KIF13A: variants seen among roughly 807,000 people sequenced by gnomAD.
The protein encoded by KIF13A is kinesin-like protein KIF13A.
Under a neutral mutation model 212.2 loss-of-function variants are expected in KIF13A, and 79 were observed. The ratio of observed to expected loss-of-function variants is 0.37; its 90% CI spans 0.31 to 0.45. KIF13A has a LOEUF of 0.45. Among genes scored for constraint, KIF13A ranks in the 20% least tolerant of loss-of-function variants. The pLI is 1.00. For missense variants in KIF13A, 1,901 were observed against 2,209.0 expected, an observed-to-expected ratio of 0.86 and a Z score of 2.79; for synonymous variants, 789 against 808.6, an observed-to-expected ratio of 0.98 and a Z score of 0.41.
At chr6:17,820,908 T>A (rs1385613080) in intron 16 of KIF13A, among the ~76,000 whole-genome samples, 1 of 152,154 alleles carries the variant, frequency 6.6e-6, no homozygotes, top group Non-Finnish European at 1.5e-5. Flanking sequence ...AACACCAAAA[T>A]GTCTAAAAAA....
At position 17,797,178 on chromosome 6, in the gene KIF13A, C is replaced by T. The variant is rs539515780; in HGVS notation, c.2791-358G>A. ...CCGAGTAGCTGGGACTACAGGCACTCGCCACCACGCCCGGCTATTTTTTTG... is the reference window on the plus strand; with the variant it reads ...CCGAGTAGCTGGGACTACAGGCACTTGCCACCACGCCCGGCTATTTTTTTG... On this transcript the variant is annotated intron_variant, in intron 22 of 38. Coordinates refer to ENST00000259711, the MANE Select transcript of KIF13A (RefSeq NM_022113.6). Among the ~76,000 whole-genome samples, 13 of 152,076 alleles carry T rather than the reference C, an allele frequency of 8.5e-5. No individual in the cohort carries two copies. The South Asian group carries it at 1.7e-3, about 19-fold the overall frequency.
At chr6:17,917,516 C>T (rs929761036) in intron 2 of KIF13A, among the ~76,000 whole-genome samples, 1 of 152,168 alleles carries the variant, frequency 6.6e-6, no homozygotes, top group Non-Finnish European at 1.5e-5. Flanking sequence ...GTTGGGATCA[C>T]AGGCGTGAGC....
At chr6:17,964,769 T>C (rs1194144092) in intron 2 of KIF13A, among the ~76,000 whole-genome samples, 1 of 152,184 alleles carries the variant, frequency 6.6e-6, no homozygotes, top group Non-Finnish European at 1.5e-5. Flanking sequence ...GTTTTGATTT[T>C]ATCCCAGATA....
chr6:17,957,859 T>A (rs543614180), intron 2 of KIF13A, among the ~76,000 whole-genome samples: 1 of 152,208 alleles, frequency 6.6e-6, no homozygotes, highest in Non-Finnish European at 1.5e-5. Context: ...ATGTGTCTCA[T>A]GGCCAGACAG....
At chr6:17,932,279 CATAA>C (rs1417090139) in intron 2 of KIF13A, among the ~76,000 whole-genome samples, 2 of 152,150 alleles carry the variant, frequency 1.3e-5, no homozygotes, top group Non-Finnish European at 2.9e-5. Context: ...CTAAATATTG[CATAA>C]ATACTGTATT....
chr6:17,959,830 A>C (rs1778661425), intron 2 of KIF13A, among the ~76,000 whole-genome samples: 1 of 152,126 alleles, frequency 6.6e-6, no homozygotes, highest in South Asian at 2.1e-4. Context: ...TCGAGACCAG[A>C]CTGACCAACA....
intron 2 of KIF13A, among the ~76,000 whole-genome samples, chr6:17,972,347 G>A (rs1417784909): frequency 1.3e-5 from 2 of 152,186 alleles, no homozygotes; most frequent in African/African-American, 4.8e-5. Context: ...TAGAAGTAGA[G>A]AGCAAAAAGG....
intron 2 of KIF13A, among the ~76,000 whole-genome samples, chr6:17,941,948 C>T (rs1776992938): frequency 6.6e-6 from 1 of 152,106 alleles, no homozygotes; most frequent in Middle Eastern, 3.4e-3. Flanking sequence ...TAGAAGGCCT[C>T]ACCACAGCTG....
Position 17,785,440 on chromosome 6 carries a change from G to C in KIF13A, c.3488+75C>G. On this transcript the variant is annotated intron_variant, in intron 28 of 38. Coordinates refer to ENST00000259711, the MANE Select transcript of KIF13A (RefSeq NM_022113.6). The surrounding 1 kb of genome is among the most constrained non-coding windows in gnomAD (Gnocchi z 5.8). ...GCATTTTCTGTGACAATCCTGGAAA[G>C]TCTCTTGCATGGCTCTTGCCACAGG... 7.1e-7 allele frequency: 1 copy of C among 1,410,594 alleles called. No individual in the cohort carries two copies. Among genetic ancestry groups the C allele is most frequent in the Non-Finnish European group, 9.3e-7 (1 of 1,074,776 alleles). The allele number at this position is 1,410,594 out of a possible 1,614,324, so 87.4% of individuals were successfully genotyped here.
chr6:17,766,924 T>A (rs950994946), intron 38 of KIF13A, among the ~76,000 whole-genome samples: 1 of 152,248 alleles, frequency 6.6e-6, no homozygotes, highest in Non-Finnish European at 1.5e-5. Flanking sequence ...ATTTAGTTTT[T>A]ATAACTTAGT....
In KIF13A at chr6:17,947,951, G is replaced by GA; in HGVS notation, c.146+39102dup. ...AATTATATTTTTTCCACAAATATTT[G>GA]ATAAGGCAAATGCAGCAAAGCTTTA... On this transcript the variant is annotated intron_variant, in intron 2 of 38. Transcript: ENST00000259711. The surrounding 1 kb of genome is among the most constrained non-coding windows in gnomAD (Gnocchi z 4.6). Among the ~76,000 whole-genome samples the GA allele has an allele frequency of 6.6e-6, 1 of 152,138 alleles. No individual in the cohort carries two copies. The highest frequency in any genetic ancestry group is 2.1e-4 in the South Asian group (1 of 4,814).
chr6:17,830,410 A>T (rs1765344069), intron 13 of KIF13A, among the ~76,000 whole-genome samples: 1 of 151,514 alleles, frequency 6.6e-6, no homozygotes, highest in African/African-American at 2.4e-5. Context: ...CCAATACAGT[A>T]AACACGGATA....
intron 2 of KIF13A, among the ~76,000 whole-genome samples, chr6:17,946,929 C>T (rs759905566): frequency 3.3e-5 from 5 of 152,148 alleles, no homozygotes; most frequent in Non-Finnish European, 7.3e-5. Flanking sequence ...ACTGTGCAGG[C>T]GGTTGCACAA....
chr6:17,985,632 C>CCGGGGTGGGGGG (rs112580662), intron 2 of KIF13A, among the ~76,000 whole-genome samples: 1 of 38,206 alleles, frequency 2.6e-5, no homozygotes, highest in African/African-American at 1.2e-4. Context: ...ATGCAGTTTG[C>CCGGGGTGGGGGG]GGGGGGGTGG....
At chr6:17,865,148 G>C (rs942533639) in intron 4 of KIF13A, among the ~76,000 whole-genome samples, 1 of 152,092 alleles carries the variant, frequency 6.6e-6, no homozygotes, top group Non-Finnish European at 1.5e-5. Flanking sequence ...ACTAAGCATG[G>C]TGATGCACAG....
At chr6:17,965,288 G>C (rs1779202069) in intron 2 of KIF13A, among the ~76,000 whole-genome samples, 1 of 151,562 alleles carries the variant, frequency 6.6e-6, no homozygotes, top group African/African-American at 2.4e-5. Flanking sequence ...AATTTACTTA[G>C]GTGATAAATA....
In KIF13A at chr6:17,786,159, G is replaced by A. The variant is rs372625672; in HGVS notation, c.3362-518C>T. On this transcript the variant is annotated intron_variant, in intron 27 of 38. Transcript: ENST00000259711. The surrounding 1 kb of genome is among the most constrained non-coding windows in gnomAD (Gnocchi z 5.4). ...TTTACTGGTTCTGTAATTTGGGGAA[G>A]TTATCCAACAGATGAGTCTCCTTAA... Among the ~76,000 whole-genome samples, 161 of 152,280 alleles carry A rather than the reference G, an allele frequency of 1.1e-3. No individual in the cohort carries two copies. Among genetic ancestry groups the A allele is most frequent in the African/African-American group, 3.6e-3 (149 of 41,556 alleles).
At chr6:17,836,046 T>A (rs150354306) in intron 11 of KIF13A, among the ~76,000 whole-genome samples, 13 of 152,286 alleles carry the variant, frequency 8.5e-5, no homozygotes, top group African/African-American at 3.1e-4. Context: ...TCTTAAATAT[T>A]TCAAATAAGA....
rs1436857305 is a variant in KIF13A, at chr6:17,912,729, A to G, written c.147-14549T>C. On this transcript the variant is annotated intron_variant, in intron 2 of 38. Coordinates refer to ENST00000259711, the MANE Select transcript of KIF13A (RefSeq NM_022113.6). The surrounding 1 kb of genome is among the most constrained non-coding windows in gnomAD (Gnocchi z 4.2). ...TGGCTGGAAGAAGGGATCACATGAA[A>G]ATAAACACATCCTCCCAGTAATGAT... Among the ~76,000 whole-genome samples the G allele has an allele frequency of 6.6e-6, 1 of 152,174 alleles. No homozygotes were observed. Among genetic ancestry groups the G allele is most frequent in the African/African-American group, 2.4e-5 (1 of 41,446 alleles).
Sources: gnomAD v4.1 joint callset for allele counts (sites outside exome capture counted in the v4.1 genomes callset) on GRCh38, gnomAD v4.1.1 for gene constraint, Gnocchi (gnomAD v3.1) non-coding constraint, MANE v1.5 for transcripts, NCBI Gene and HGNC (gene_info 2026-07-23, HGNC 2026-07-21) for gene names.